Variants in ACCSL observed in about 807,000 individuals in gnomAD.
The protein encoded by ACCSL is 1-aminocyclopropane-1-carboxylate synthase homolog (inactive) like.
ACCSL carries 55 observed loss-of-function variants against 61.7 expected under a neutral mutation model. The ratio of observed to expected loss-of-function variants is 0.89; its 90% CI spans 0.72 to 1.12. ACCSL has a LOEUF of 1.12. Ranked by LOEUF, ACCSL falls within the 50% of genes most tolerant of loss-of-function variation. The pLI is 0.00. For missense variants in ACCSL, 632 were observed against 698.0 expected, an observed-to-expected ratio of 0.91 and a Z score of 1.07; for synonymous variants, 258 against 264.3, an observed-to-expected ratio of 0.98 and a Z score of 0.23.
At chr11:43,932,995 G>A in the ACCSL span, 313 of 448,876 alleles carry the variant, frequency 7.0e-4, no homozygotes, top group African/African-American at 5.4e-3. Context: ...GGAGGGCTGC[G>A]CTGTGTAGCT....
At chr11:43,994,430 C>T in the ACCSL span, among the ~76,000 whole-genome samples, 3,033 of 152,204 alleles carry the variant, frequency 0.02, 112 homozygotes, top group African/African-American at 0.069. Context: ...TACCATTATT[C>T]AATAGGGTTG....
chr11:44,055,252 A>T lies in ACCSL; in HGVS notation c.1100A>T (p.Asp367Val). 6.2e-7 allele frequency: 1 copy of T among 1,613,088 alleles called. No homozygotes were observed. The change falls in exon 9 of 14, where the codon GAT becomes GTT. Residue 367 changes from aspartate to valine, a missense_variant. Coordinates refer to ENST00000378832, the MANE Select transcript of ACCSL (RefSeq NM_001031854.2). ...GAGATTTACATGCTGTCTGTGTTTG[A>T]TGAATCCATCACATTCCACAGCATT... ...IDEIYMLSVF[D>V]ESITFHSILS... is the part of the protein sequence containing the mutation.
the ACCSL span, among the ~76,000 whole-genome samples, chr11:44,018,881 C>T: frequency 2.6e-5 from 4 of 152,204 alleles, no homozygotes; most frequent in Non-Finnish European, 5.9e-5. Flanking sequence ...GGTATATTCA[C>T]AAAATTGTGC....
At chr11:44,044,267 G>A (rs1952587877), upstream of ACCSL, among the ~76,000 whole-genome samples, 1 of 152,204 alleles carries the variant, frequency 6.6e-6, no homozygotes, top group East Asian at 1.9e-4. Context: ...TGGGAGGCTT[G>A]GGGTTTAAAT....
chr11:43,928,588 C>T, the ACCSL span, among the ~76,000 whole-genome samples: 30 of 152,094 alleles, frequency 2.0e-4, no homozygotes, highest in African/African-American at 7.2e-4. Context: ...GGTGAGCCTG[C>T]GAGTGGGGAG....
At chr11:44,022,464 T>C in the ACCSL span, among the ~76,000 whole-genome samples, 1 of 152,210 alleles carries the variant, frequency 6.6e-6, no homozygotes, top group Non-Finnish European at 1.5e-5. Flanking sequence ...ACATTGATTT[T>C]GTATCTTGAA....
At chr11:44,049,655 G>T (rs905313585) in intron 1 of ACCSL, among the ~76,000 whole-genome samples, 1 of 152,150 alleles carries the variant, frequency 6.6e-6, no homozygotes, top group African/African-American at 2.4e-5. Flanking sequence ...GGGGATTAAG[G>T]GTCCAGGCTC....
the ACCSL span, among the ~76,000 whole-genome samples, chr11:43,987,092 GTCT>G: frequency 6.7e-6 from 1 of 149,646 alleles, no homozygotes; most frequent in Non-Finnish European, 1.5e-5. Flanking sequence ...CCACCCCCGA[GTCT>G]TCTTCAAGAA....
the ACCSL span, among the ~76,000 whole-genome samples, chr11:43,938,811 AAATAAAT>A: frequency 1.3e-5 from 2 of 152,210 alleles, no homozygotes; most frequent in Non-Finnish European, 1.5e-5. Flanking sequence ...CAAAGTAAAT[AAATAAAT>A]AATAAATAAA....
the ACCSL span, among the ~76,000 whole-genome samples, chr11:43,978,177 T>C: frequency 6.6e-6 from 1 of 151,770 alleles, no homozygotes; most frequent in South Asian, 2.1e-4. Flanking sequence ...GCCCAACTAA[T>C]TTTGTATTTT....
chr11:43,983,834 G>C, the ACCSL span, among the ~76,000 whole-genome samples: 1 of 152,138 alleles, frequency 6.6e-6, no homozygotes, highest in Non-Finnish European at 1.5e-5. Context: ...AAATCTGTCA[G>C]GCCGGGCGCT....
chr11:44,041,946 T>C, the ACCSL span, among the ~76,000 whole-genome samples: 36 of 152,322 alleles, frequency 2.4e-4, 1 homozygote, highest in African/African-American at 7.9e-4. Context: ...ATAGATATAA[T>C]TGATTTTTTG....
chr11:43,922,553 T>C, the ACCSL span, among the ~76,000 whole-genome samples: 2 of 152,224 alleles, frequency 1.3e-5, no homozygotes, highest in African/African-American at 2.4e-5. Flanking sequence ...TGCTGGTGAC[T>C]GGACTAGCAG....
At chr11:44,049,419 CA>C (rs33944147) in intron 1 of ACCSL, among the ~76,000 whole-genome samples, 2,615 of 33,854 alleles carry the variant, frequency 0.077, 29 homozygotes, top group African/African-American at 0.17. Flanking sequence ...GACCCTGTCT[CA>C]AAAAAAAAAA....
At chr11:44,029,084 G>A in the ACCSL span, among the ~76,000 whole-genome samples, 358 of 152,298 alleles carry the variant, frequency 2.4e-3, 2 homozygotes, top group Non-Finnish European at 4.2e-3. Context: ...ATCTGGCCCC[G>A]CCATTGTGCC....
chr11:43,924,414 G>A, the ACCSL span, among the ~76,000 whole-genome samples: 27 of 152,220 alleles, frequency 1.8e-4, no homozygotes, highest in Non-Finnish European at 2.1e-4. Flanking sequence ...GAGCCCCAGC[G>A]GGAGCTCACC....
the ACCSL span, among the ~76,000 whole-genome samples, chr11:44,024,561 G>A: frequency 6.6e-5 from 10 of 151,484 alleles, no homozygotes; most frequent in East Asian, 1.9e-3. Flanking sequence ...ATTGTGGTCA[G>A]AAAAAAATAC....
intron 4 of ACCSL, 94 bp downstream of exon 4, chr11:44,051,498 T>C: frequency 6.4e-7 from 1 of 1,559,976 alleles, no homozygotes; most frequent in East Asian, 2.2e-5. Context: ...GGAGAACCAG[T>C]GAAGACTCTC....
chr11:43,996,366 G>T, the ACCSL span, among the ~76,000 whole-genome samples: 32,843 of 152,110 alleles, frequency 0.22, 6,370 homozygotes, highest in African/African-American at 0.51. Flanking sequence ...TCAGAGGGGC[G>T]TCAGTGGCTG....
Sources: allele counts gnomAD v4.1 joint callset (sites outside exome capture counted in the v4.1 genomes callset), GRCh38; gene constraint gnomAD v4.1.1; transcripts MANE v1.5; gene names NCBI Gene and HGNC (gene_info 2026-07-23, HGNC 2026-07-21).